PLEKHM3: variants seen among roughly 807,000 people sequenced by gnomAD.
PLEKHM3 encodes the protein pleckstrin homology domain containing M3.
In PLEKHM3, 45 loss-of-function variants were observed where a neutral mutation model predicts 81.8. The ratio of observed to expected loss-of-function variants is 0.55; its 90% CI spans 0.43 to 0.71. The LOEUF is 0.71. PLEKHM3 is among the 30% of genes least tolerant of loss of function. PLEKHM3 has a pLI of 0.00. For synonymous variants in PLEKHM3, 352 were observed against 356.4 expected, an observed-to-expected ratio of 0.99 and a Z score of 0.14; for missense variants, 788 against 924.3, an observed-to-expected ratio of 0.85 and a Z score of 1.91.
intron 2 of PLEKHM3, among the ~76,000 whole-genome samples, chr2:207,999,637 T>C (rs1426306881): frequency 6.6e-6 from 1 of 152,148 alleles, no homozygotes; most frequent in Non-Finnish European, 1.5e-5. Context: ...AAAAAATACA[T>C]GGAATGTCCT....
At chr2:207,855,731 C>A (rs2092434367) in intron 7 of PLEKHM3, among the ~76,000 whole-genome samples, 1 of 152,158 alleles carries the variant, frequency 6.6e-6, no homozygotes, top group African/African-American at 2.4e-5. Context: ...AGAAAAACAT[C>A]AGGCCTATCC....
intron 7 of PLEKHM3, among the ~76,000 whole-genome samples, chr2:207,844,469 ATTTT>A (rs74889084): frequency 7.2e-6 from 1 of 138,350 alleles, no homozygotes. Context: ...CGCCCGGAGA[ATTTT>A]TTTTTTTTTT....
chr2:207,995,925 C>T (rs1692106246), intron 2 of PLEKHM3, among the ~76,000 whole-genome samples: 1 of 152,274 alleles, frequency 6.6e-6, no homozygotes, highest in Non-Finnish European at 1.5e-5. Flanking sequence ...GAAACACAAT[C>T]AAGGAACAGA....
intron 3 of PLEKHM3, among the ~76,000 whole-genome samples, chr2:207,970,141 T>C (rs10192065): frequency 0.68 from 102,556 of 151,656 alleles, 35,154 homozygotes; most frequent in Non-Finnish European, 0.72. Flanking sequence ...TGTTTGTGAA[T>C]GATAGCTGGG....
intron 2 of PLEKHM3, among the ~76,000 whole-genome samples, chr2:207,997,759 C>T (rs73064896): frequency 1.1e-4 from 17 of 152,270 alleles, no homozygotes; most frequent in African/African-American, 3.9e-4. Context: ...GTTGGAGATG[C>T]GAGTCTGCAG....
At chr2:207,909,301 A>G (rs953511203) in intron 5 of PLEKHM3, among the ~76,000 whole-genome samples, 3 of 152,244 alleles carry the variant, frequency 2.0e-5, no homozygotes, top group African/African-American at 7.2e-5. Flanking sequence ...ATGGGTAAGC[A>G]AACAGGTTAC....
chr2:207,915,020 T>C (rs1688938788), intron 5 of PLEKHM3, among the ~76,000 whole-genome samples: 1 of 152,172 alleles, frequency 6.6e-6, no homozygotes. Flanking sequence ...GGAAACGATA[T>C]CACTAGCAGG....
intron 3 of PLEKHM3, among the ~76,000 whole-genome samples, chr2:207,970,666 T>A (rs1271580101): frequency 1.3e-5 from 2 of 152,194 alleles, no homozygotes; most frequent in Non-Finnish European, 2.9e-5. Flanking sequence ...GGCACTAATT[T>A]GTCAGGCTGA....
At position 207,944,700 on chromosome 2, in the gene PLEKHM3, T is replaced by C. The variant is rs376663586; in HGVS notation, c.1692+1667A>G. Among the ~76,000 whole-genome samples, 36 of 152,308 alleles carry C rather than the reference T, an allele frequency of 2.4e-4. No individual in the cohort carries two copies. The East Asian group carries it at 4.4e-3, about 19-fold the overall frequency. The stretch of plus-strand genomic sequence containing the variant: ...TCCAACATCACATCGAAGTACCTAC[T>C]GGCCCCTATGGCTGCAGACAGCTTT... On this transcript the variant is annotated intron_variant, in intron 4 of 7. Transcript: ENST00000427836.
intron 6 of PLEKHM3, among the ~76,000 whole-genome samples, chr2:207,887,336 A>C (rs560166179): frequency 6.6e-6 from 1 of 152,396 alleles, no homozygotes; most frequent in East Asian, 1.9e-4. Context: ...CTTGACCAAC[A>C]GCAAGTCTGA....
chr2:208,008,176 C>T (rs1425619067), intron 1 of PLEKHM3, among the ~76,000 whole-genome samples: 3 of 151,520 alleles, frequency 2.0e-5, no homozygotes, highest in East Asian at 3.9e-4. Context: ...AGTTCAAGGT[C>T]GTAGTAAGCT....
chr2:207,845,715 G>T (rs1398364285), intron 7 of PLEKHM3, among the ~76,000 whole-genome samples: 1 of 152,102 alleles, frequency 6.6e-6, no homozygotes, highest in Non-Finnish European at 1.5e-5. Context: ...AATAACTACA[G>T]ATTATAGTTG....
intron 3 of PLEKHM3, among the ~76,000 whole-genome samples, chr2:207,974,091 C>A (rs1360009568): frequency 2.0e-5 from 3 of 152,184 alleles, no homozygotes; most frequent in African/African-American, 7.2e-5. Flanking sequence ...CCTCCACAAG[C>A]CAAATTTCGT....
chr2:207,915,957 T>C lies in PLEKHM3; in HGVS notation c.1887-7380A>G, dbSNP rs572792877. Among the ~76,000 whole-genome samples, 249 of 152,308 alleles carry C rather than the reference T, an allele frequency of 1.6e-3. 2 individuals carry two copies. The highest frequency in any genetic ancestry group is 5.7e-3 in the African/African-American group (235 of 41,566). ...CCAGGGAGATGCAATTTGATGTTCTTGATATGAGCTGCAAACTCTTCCTGA... is the reference window on the plus strand; with the variant it reads ...CCAGGGAGATGCAATTTGATGTTCTCGATATGAGCTGCAAACTCTTCCTGA... On this transcript the variant is annotated intron_variant, in intron 5 of 7. Transcript: ENST00000427836.
chr2:207,916,230 C>G (rs1289543087), intron 5 of PLEKHM3, among the ~76,000 whole-genome samples: 4 of 152,084 alleles, frequency 2.6e-5, no homozygotes, highest in African/African-American at 7.2e-5. Context: ...CCTGCTTATT[C>G]AGAAATTGTA....
chr2:207,880,431 T>G, intron 6 of PLEKHM3, among the ~76,000 whole-genome samples: 1 of 139,136 alleles, frequency 7.2e-6, no homozygotes. Flanking sequence ...AAACGCAAAT[T>G]GATGTAGTAA....
rs759699218 is a variant in PLEKHM3 at position 207,930,982 on chromosome 2, C to A, written c.1830G>T (p.Ser610=). 2.5e-6 allele frequency: 4 copies of A among 1,613,570 alleles called. No homozygotes were observed. Among genetic ancestry groups the A allele is most frequent in the African/African-American group, 1.3e-5 (1 of 74,928 alleles). ...GGCAGCTGAACAAATAGGCTCGGAGCGACTTCAGCCGCTGCCGCAGCCGCA... is the reference window on the plus strand; with the variant it reads ...GGCAGCTGAACAAATAGGCTCGGAGAGACTTCAGCCGCTGCCGCAGCCGCA... ...AVLRLRQRLK[S]LRAYLFSCRA... Residue 610 remains serine (S), a synonymous_variant, in exon 5 of 8, where the codon TCG becomes TCT. Coordinates refer to ENST00000427836, the MANE Select transcript of PLEKHM3 (RefSeq NM_001080475.3).
chr2:207,841,334 G>T (rs1405454723), intron 7 of PLEKHM3, among the ~76,000 whole-genome samples: 1 of 149,520 alleles, frequency 6.7e-6, no homozygotes, highest in African/African-American at 2.5e-5. Context: ...GCTTGGTGAT[G>T]TTCACTTGTG....
intron 3 of PLEKHM3, among the ~76,000 whole-genome samples, chr2:207,965,289 A>T (rs976451357): frequency 6.6e-6 from 1 of 152,180 alleles, no homozygotes; most frequent in African/African-American, 2.4e-5. Context: ...CCGGAAATGA[A>T]CACATGATGA....
Sources: allele counts gnomAD v4.1 joint callset (sites outside exome capture counted in the v4.1 genomes callset), GRCh38; gene constraint gnomAD v4.1.1; transcripts MANE v1.5; gene names NCBI Gene and HGNC (gene_info 2026-07-23, HGNC 2026-07-21).